LEPR: variants seen among roughly 807,000 people sequenced by gnomAD.
LEPR encodes the protein OB receptor.
Under a neutral mutation model 114.7 loss-of-function variants are expected in LEPR, and 56 were observed. The observed-to-expected ratio is 0.49, with a 90% confidence interval of 0.39 to 0.61. LEPR has a LOEUF of 0.61. LEPR is among the 20% of genes least tolerant of loss of function. LEPR has a pLI of 0.00. For missense variants in LEPR, 1,202 were observed against 1,352.9 expected, an observed-to-expected ratio of 0.89 and a Z score of 1.75; for synonymous variants, 443 against 461.4, an observed-to-expected ratio of 0.96 and a Z score of 0.51.
At chr1:65,625,643 T>C (rs189216565) in intron 19 of LEPR, among the ~76,000 whole-genome samples, 1 of 152,238 alleles carries the variant, frequency 6.6e-6, no homozygotes, top group African/African-American at 2.4e-5. Context: ...GAACCTGGCT[T>C]AGTGTATCCG....
rs545318858 is a variant in LEPR at position 65,552,049 on chromosome 1, G to A, written c.-20-13497G>A. Among the ~76,000 whole-genome samples the A allele has an allele frequency of 2.4e-4, 37 of 152,274 alleles. 1 individual carries two copies. The South Asian group carries it at 6.0e-3, about 25-fold the overall frequency. The stretch of plus-strand genomic sequence containing the variant: ...GTTTCTTAATCCTCAGTTATAATTT[G>A]ATTACACTGTGGTCTGAGAGACAGT... On this transcript the variant is annotated intron_variant, in intron 2 of 19. Transcript: ENST00000349533.
chr1:65,533,936 C>G (rs1650579455), intron 2 of LEPR, among the ~76,000 whole-genome samples: 1 of 152,012 alleles, frequency 6.6e-6, no homozygotes, highest in African/African-American at 2.4e-5. Flanking sequence ...TTTCAGATTT[C>G]TACATACTTA....
At chr1:65,553,357 A>G (rs1198981183) in intron 2 of LEPR, among the ~76,000 whole-genome samples, 1 of 152,166 alleles carries the variant, frequency 6.6e-6, no homozygotes, top group African/African-American at 2.4e-5. Flanking sequence ...TACACCAATC[A>G]AACATAGGTT....
chr1:65,440,204 C>T (rs1172726056), intron 2 of LEPR, among the ~76,000 whole-genome samples: 3 of 151,828 alleles, frequency 2.0e-5, no homozygotes, highest in Admixed American at 1.3e-4. Context: ...TCTACTCTTT[C>T]GATTCTTTTT....
chr1:65,594,605 T>G (rs1655924512), intron 6 of LEPR, among the ~76,000 whole-genome samples: 1 of 152,072 alleles, frequency 6.6e-6, no homozygotes, highest in South Asian at 2.1e-4. Flanking sequence ...AAGAGCTCTA[T>G]TTTGGACACA....
At chr1:65,485,047 G>GAAT (rs1647416341) in intron 2 of LEPR, among the ~76,000 whole-genome samples, 1 of 152,154 alleles carries the variant, frequency 6.6e-6, no homozygotes, top group South Asian at 2.1e-4. Context: ...CAGGCAGAGA[G>GAAT]AATACACTTG....
intron 2 of LEPR, among the ~76,000 whole-genome samples, chr1:65,465,669 T>C (rs1172394193): frequency 6.6e-6 from 1 of 152,192 alleles, no homozygotes; most frequent in Non-Finnish European, 1.5e-5. Context: ...TAAGTCTCTT[T>C]GTAGGTCTCT....
At chr1:65,546,943 A>G (rs769184926) in intron 2 of LEPR, among the ~76,000 whole-genome samples, 9 of 152,050 alleles carry the variant, frequency 5.9e-5, no homozygotes, top group Non-Finnish European at 1.0e-4. Context: ...TTGGCTGTGG[A>G]TTTGTCATAG....
chr1:65,571,260 C>A (rs898616797), intron 4 of LEPR, among the ~76,000 whole-genome samples: 4 of 152,044 alleles, frequency 2.6e-5, no homozygotes, highest in African/African-American at 9.7e-5. Context: ...ATGTGATGAT[C>A]TGTGTAACAA....
chr1:65,520,277 T>G (rs770609996), intron 2 of LEPR, among the ~76,000 whole-genome samples: 3 of 152,136 alleles, frequency 2.0e-5, no homozygotes, highest in Non-Finnish European at 4.4e-5. Flanking sequence ...ATTACAGGAG[T>G]GAGCCACCAT....
At chr1:65,491,534 G>C (rs1051486929) in intron 2 of LEPR, among the ~76,000 whole-genome samples, 1 of 152,078 alleles carries the variant, frequency 6.6e-6, no homozygotes, top group Admixed American at 6.6e-5. Context: ...TCAAAGAGAG[G>C]TATGGTCAGA....
At chr1:65,468,977 T>C (rs1647050172) in intron 2 of LEPR, among the ~76,000 whole-genome samples, 1 of 152,254 alleles carries the variant, frequency 6.6e-6, no homozygotes, top group Non-Finnish European at 1.5e-5. Flanking sequence ...AGATGCATTT[T>C]CTGGTATTTC....
chr1:65,507,973 C>T (rs1648840627), intron 2 of LEPR, among the ~76,000 whole-genome samples: 1 of 152,044 alleles, frequency 6.6e-6, no homozygotes, highest in African/African-American at 2.4e-5. Flanking sequence ...TATGTCTTGG[C>T]CATTTGTATG....
At chr1:65,436,271 A>T (rs1395102819) in intron 2 of LEPR, among the ~76,000 whole-genome samples, 1 of 152,220 alleles carries the variant, frequency 6.6e-6, no homozygotes, top group East Asian at 1.9e-4. Context: ...GAAAAGCTGT[A>T]TTGGAAAAGA....
chr1:65,445,620 T>C (rs1328349917), intron 2 of LEPR, among the ~76,000 whole-genome samples: 1 of 152,156 alleles, frequency 6.6e-6, no homozygotes, highest in Non-Finnish European at 1.5e-5. Context: ...TTTTGGTGAT[T>C]ACTTTAACTG....
At position 65,636,395 on chromosome 1, in the gene LEPR, A is replaced by G. The variant is rs757548991; in HGVS notation, c.2878A>G (p.Asn960Asp). 1.2e-6 allele frequency: 2 copies of G among 1,614,140 alleles called. No homozygotes were observed. The highest frequency in any genetic ancestry group is 1.7e-6 in the Non-Finnish European group (2 of 1,180,004). Reference protein sequence around the residue: ...KGSVCISDQFNSVNFSEAEGT... With the variant: ...KGSVCISDQFDSVNFSEAEGT... ...TTCTGTTTGTATTAGTGACCAGTTC[A>G]ACAGTGTTAACTTCTCTGAGGCTGA... Residue 960 changes from asparagine to aspartate, a missense_variant, in exon 20 of 20, where the codon AAC becomes GAC. Asn to Asp is a conservative substitution (Grantham distance 23, BLOSUM62 1). Transcript: ENST00000349533.
intron 5 of LEPR, among the ~76,000 whole-genome samples, chr1:65,586,080 T>C (rs764427279): frequency 6.6e-6 from 1 of 152,096 alleles, no homozygotes; most frequent in Non-Finnish European, 1.5e-5. Context: ...ATGGTCTTTA[T>C]TGATCTCTAA....
At chr1:65,578,777 G>A (rs1281787125) in intron 5 of LEPR, among the ~76,000 whole-genome samples, 1 of 152,120 alleles carries the variant, frequency 6.6e-6, no homozygotes, top group Non-Finnish European at 1.5e-5. Flanking sequence ...GAAGAAATTA[G>A]TTAATATATA....
intron 2 of LEPR, among the ~76,000 whole-genome samples, chr1:65,520,997 A>G (rs1052516528): frequency 6.6e-6 from 1 of 152,194 alleles, no homozygotes; most frequent in African/African-American, 2.4e-5. Flanking sequence ...TGGCTATCAC[A>G]AACATGTCAC....
Sources: allele counts gnomAD v4.1 joint callset (sites outside exome capture counted in the v4.1 genomes callset), GRCh38; gene constraint gnomAD v4.1.1; transcripts MANE v1.5; gene names NCBI Gene and HGNC (gene_info 2026-07-23, HGNC 2026-07-21).